The following CRHBP variants were observed in gnomAD, a reference collection of about 807,000 sequenced individuals.
The protein encoded by CRHBP is corticotropin-releasing hormone-binding protein.
Under a neutral mutation model 34.9 loss-of-function variants are expected in CRHBP, and 19 were observed. The ratio of observed to expected loss-of-function variants is 0.55; its 90% CI spans 0.38 to 0.80. The LOEUF (loss-of-function observed/expected upper bound fraction) is 0.80, where lower values mean the gene tolerates loss of function less well. Ranked by LOEUF, CRHBP falls within the 30% of genes least tolerant of loss-of-function variation. CRHBP has a pLI of 0.00. For missense variants in CRHBP, 328 were observed against 409.2 expected, an observed-to-expected ratio of 0.80 and a Z score of 1.71; for synonymous variants, 154 against 153.4, an observed-to-expected ratio of 1.00 and a Z score of -0.03.
chr5:76,975,859 T>TAC (rs1274988016), intron 2 of CRHBP, among the ~76,000 whole-genome samples: 1 of 93,246 alleles, frequency 1.1e-5, no homozygotes, highest in Non-Finnish European at 1.9e-5. Flanking sequence ...CGCATATATA[T>TAC]ATACACACAC....
chr5:76,966,259 C>T (rs1293918984), intron 6 of CRHBP, among the ~76,000 whole-genome samples: 1 of 152,222 alleles, frequency 6.6e-6, no homozygotes, highest in Non-Finnish European at 1.5e-5. Flanking sequence ...CTCAGGTGAT[C>T]TGCCCACCTC....
intron 2 of CRHBP, chr5:76,976,335 T>A (rs1225457948): frequency 6.6e-6 from 1 of 151,978 alleles, no homozygotes; most frequent in Non-Finnish European, 1.5e-5. Flanking sequence ...GACTTGGGAG[T>A]GTTATCAAAG....
chr5:76,974,667 T>G (rs1194836278), intron 2 of CRHBP, among the ~76,000 whole-genome samples: 1 of 152,204 alleles, frequency 6.6e-6, no homozygotes, highest in Non-Finnish European at 1.5e-5. Context: ...CAGTGAAGTA[T>G]TTCAGAAAAC....
intron 4 of CRHBP, 81 bp from the exon 5 acceptor site, chr5:76,958,660 A>G: frequency 1.4e-6 from 2 of 1,468,690 alleles, no homozygotes; most frequent in Non-Finnish European, 1.8e-6. Flanking sequence ...CAGGAGCCCT[A>G]GAATAAGATA....
intron 3 of CRHBP, among the ~76,000 whole-genome samples, chr5:76,979,220 G>A (rs1236907704): frequency 6.6e-6 from 1 of 152,032 alleles, no homozygotes; most frequent in Non-Finnish European, 1.5e-5. Context: ...TGCCCAGGCT[G>A]GAGTGTAGTG....
chr5:76,953,889 AC>A, intron 2 of CRHBP, 139 bp from the exon 3 acceptor site: 3 of 1,216,250 alleles, frequency 2.5e-6, no homozygotes, highest in Middle Eastern at 2.9e-4. Context: ...GGGCGCAGGA[AC>A]CCAGCGCAGC....
chr5:76,972,256 T>C (rs1412842743), downstream of CRHBP, among the ~76,000 whole-genome samples: 2 of 151,906 alleles, frequency 1.3e-5, no homozygotes, highest in Non-Finnish European at 2.9e-5. Flanking sequence ...TCCCAGCACT[T>C]TGGGAGGCCG....
At chr5:76,964,229 A>G (rs1745824697) in intron 6 of CRHBP, among the ~76,000 whole-genome samples, 1 of 152,194 alleles carries the variant, frequency 6.6e-6, no homozygotes, top group Non-Finnish European at 1.5e-5. Context: ...GGTCACTCCC[A>G]TAGCTTTACT....
chr5:76,963,284 A>T (rs77733548), intron 5 of CRHBP, 59 bp from the exon 6 acceptor site: 9 of 1,451,608 alleles, frequency 6.2e-6, no homozygotes, highest in Non-Finnish European at 8.7e-6. Flanking sequence ...TGTTGGTCAA[A>T]TGGTTTGACT....
chr5:76,965,037 T>C (rs1316563301), intron 6 of CRHBP, among the ~76,000 whole-genome samples: 1 of 150,664 alleles, frequency 6.6e-6, no homozygotes, highest in Non-Finnish European at 1.5e-5. Flanking sequence ...CACAAAAAAA[T>C]ACAGTATAAC....
downstream of CRHBP, among the ~76,000 whole-genome samples, chr5:76,970,503 T>TA (rs1745928982): frequency 1.6e-5 from 2 of 127,930 alleles, no homozygotes; most frequent in Non-Finnish European, 3.3e-5. Flanking sequence ...GAGTGACTAC[T>TA]TTAGCAAATG....
chr5:76,980,247 T>A, intron 3 of CRHBP, among the ~76,000 whole-genome samples: 1 of 90,578 alleles, frequency 1.1e-5, no homozygotes. Flanking sequence ...AGAGCGAGAC[T>A]CCGTCTCAAA....
chr5:76,971,370 T>C (rs1745942153), downstream of CRHBP, among the ~76,000 whole-genome samples: 1 of 152,228 alleles, frequency 6.6e-6, no homozygotes, highest in Non-Finnish European at 1.5e-5. Flanking sequence ...TCAAGACCTG[T>C]GTCTCACATG....
At position 76,975,803 on chromosome 5, in the gene CRHBP, CAAAAAAA is replaced by C. The variant is rs1158363151; in HGVS notation, n.312-545_312-539del. On this transcript the variant is annotated intron_variant and non_coding_transcript_variant, in intron 2 of 3. Coordinates refer to the CRHBP transcript ENST00000514258. Reference sequence around the variant, plus strand: ...TGGGCAACAGAGCGAGACTCTGTCTCAAAAAAAAAAAAAAAAAAAAAAATATATATAT... The same window carrying C: ...TGGGCAACAGAGCGAGACTCTGTCTCAAAAAAAAAAAAAAAATATATATAT... Among the ~76,000 whole-genome samples, 30 of 35,222 alleles carry C rather than the reference CAAAAAAA, an allele frequency of 8.5e-4. 1 individual carries two copies. The highest frequency in any genetic ancestry group is 3.2e-3 in the African/African-American group (25 of 7,790). The allele number at this position is 35,222 out of a possible 152,430, so 23.1% of individuals were successfully genotyped here. A position where few individuals can be genotyped will look rare whatever the true frequency, so the allele number is the denominator to read the frequency against.
downstream of CRHBP, among the ~76,000 whole-genome samples, chr5:76,970,888 A>C (rs146306332): frequency 2.3e-4 from 35 of 152,320 alleles, no homozygotes; most frequent in African/African-American, 7.9e-4. Flanking sequence ...TTCTGTGGTC[A>C]TTTGTGACAT....
At chr5:76,967,300 C>T (rs1011364420) in intron 6 of CRHBP, among the ~76,000 whole-genome samples, 3 of 152,112 alleles carry the variant, frequency 2.0e-5, no homozygotes, top group Non-Finnish European at 4.4e-5. Context: ...AGAAGCTTAA[C>T]TAGACTACCT....
chr5:76,972,756 T>G (rs1257394290), downstream of CRHBP, among the ~76,000 whole-genome samples: 1 of 152,238 alleles, frequency 6.6e-6, no homozygotes, highest in Non-Finnish European at 1.5e-5. Context: ...AAGCAGCATG[T>G]CTTCTTTACC....
intron 3 of CRHBP, among the ~76,000 whole-genome samples, chr5:76,954,652 G>C (rs539879880): frequency 2.1e-4 from 32 of 152,278 alleles, no homozygotes; most frequent in African/African-American, 6.7e-4. Flanking sequence ...GTCCACGCTC[G>C]GCAGAGCCGT....
chr5:76,959,972 C>A (rs1162732058), intron 5 of CRHBP, among the ~76,000 whole-genome samples: 1 of 152,130 alleles, frequency 6.6e-6, no homozygotes, highest in East Asian at 1.9e-4. Flanking sequence ...TCTGTTCCTT[C>A]ACAAAATATT....
Sources: allele counts gnomAD v4.1 joint callset (sites outside exome capture counted in the v4.1 genomes callset), GRCh38; gene constraint gnomAD v4.1.1; transcripts MANE v1.5; gene names NCBI Gene and HGNC (gene_info 2026-07-23, HGNC 2026-07-21).